The following MFNG variants were observed in gnomAD, a reference collection of about 807,000 sequenced individuals.
The protein encoded by MFNG is MFNG O-fucosylpeptide 3-beta-N-acetylglucosaminyltransferase.
Under a neutral mutation model 34.2 loss-of-function variants are expected in MFNG, and 24 were observed. The ratio of observed to expected loss-of-function variants is 0.70; its 90% CI spans 0.51 to 0.99. The LOEUF (loss-of-function observed/expected upper bound fraction) is 0.99. Ranked by LOEUF, MFNG falls within the 50% of genes least tolerant of loss-of-function variation. The pLI is 0.00. For synonymous variants in MFNG, 158 were observed against 179.2 expected (o/e 0.88, Z 0.94); for missense variants, 383 against 424.0 (o/e 0.90, Z 0.85).
chr22:37,477,164 C>T (rs1041931013), intron 4 of MFNG, among the ~76,000 whole-genome samples, 183 bp from the exon 5 acceptor site: 1 of 152,170 alleles, frequency 6.6e-6, no homozygotes, highest in African/African-American at 2.4e-5. Flanking sequence ...AACAGAGGCC[C>T]GAAGTCACAT....
rs990690235 is a variant in MFNG, at chr22:37,482,782, G to A, written c.256-2013C>T. On this transcript the variant is annotated intron_variant, in intron 1 of 7. Coordinates refer to ENST00000356998, the MANE Select transcript of MFNG (RefSeq NM_002405.4). The surrounding 1 kb of genome is among the most constrained non-coding windows in gnomAD (Gnocchi z 4.1). ...CACCTGGCTCTCCTCAGGAAGGCCTGTGCAGCATCCACCCTCTGAGCCTCT... is the reference window on the plus strand; with the variant it reads ...CACCTGGCTCTCCTCAGGAAGGCCTATGCAGCATCCACCCTCTGAGCCTCT... Among the ~76,000 whole-genome samples, 3 of 152,168 alleles carry A rather than the reference G, an allele frequency of 2.0e-5. No individual in the cohort carries two copies. The highest frequency in any genetic ancestry group is 4.8e-5 in the African/African-American group (2 of 41,436).
Position 37,469,980 on chromosome 22 carries a change from G to A in MFNG, c.949C>T (p.Gln317Ter). ...TTCAGGATTCATCGGGCACCCAGCT[G>A]GGGACACCAGGGTGTATCTGGATAG... is the stretch of plus-strand genomic sequence containing the variant. Reference protein sequence around the residue: ...LLYPDTPWCPQLGAR With the variant: ...LLYPDTPWCP Residue 317 changes from glutamine (Q) to a stop codon, truncating the protein, a stop_gained, in exon 8 of 8, where the codon CAG becomes TAG. Coordinates refer to ENST00000356998, the MANE Select transcript of MFNG (RefSeq NM_002405.4). LOFTEE classifies it high-confidence loss of function. The A allele has an allele frequency of 6.2e-7, 1 of 1,608,422 alleles. No individual in the cohort carries two copies. The highest frequency in any genetic ancestry group is 8.5e-7 in the Non-Finnish European group (1 of 1,177,166).
rs1197567998 is a variant in MFNG at position 37,485,276 on chromosome 22, C to T, written c.255+647G>A. ...CCTCAGCCGCCACCCTCGTGGCATGCGCTCTCCTTCCCTCCCTCGGAAGCA... is the reference window on the plus strand; with the variant it reads ...CCTCAGCCGCCACCCTCGTGGCATGTGCTCTCCTTCCCTCCCTCGGAAGCA... On this transcript the variant is annotated intron_variant, in intron 1 of 7. Transcript: ENST00000356998. This position sits in a 1 kb window ranked among gnomAD's most constrained non-coding sequence, Gnocchi z 5.3. Among the ~76,000 whole-genome samples the T allele has an allele frequency of 6.6e-6, 1 of 152,188 alleles. No individual in the cohort carries two copies. Among genetic ancestry groups the T allele is most frequent in the Non-Finnish European group, 1.5e-5 (1 of 68,032 alleles).
At chr22:37,477,105 A>G (rs1401686476) in intron 4 of MFNG, 124 bp from the exon 5 acceptor site, 3 of 766,956 alleles carry the variant, frequency 3.9e-6, no homozygotes, top group Non-Finnish European at 6.6e-6. Flanking sequence ...GAATCTCACT[A>G]GAGTCTTGCT....
At chr22:37,481,900 G>C (rs950930714) in intron 1 of MFNG, among the ~76,000 whole-genome samples, 8 of 152,348 alleles carry the variant, frequency 5.3e-5, no homozygotes, top group South Asian at 4.1e-4. Flanking sequence ...CTCCTTTCCA[G>C]GAATTAGCCC....
intron 7 of MFNG, among the ~76,000 whole-genome samples, chr22:37,472,113 G>C (rs931368527): frequency 2.0e-5 from 3 of 152,160 alleles, no homozygotes; most frequent in Non-Finnish European, 2.9e-5. Context: ...TGAGAGCGTT[G>C]CCTGTGCTCA....
intron 1 of MFNG, among the ~76,000 whole-genome samples, chr22:37,484,971 ATG>A (rs71764174): frequency 0.074 from 10,880 of 147,488 alleles, 565 homozygotes; most frequent in East Asian, 0.25. Context: ...GAGGGGACCG[ATG>A]TGTGTGTGTG....
intron 4 of MFNG, among the ~76,000 whole-genome samples, chr22:37,478,574 T>C (rs1922141528): frequency 6.6e-6 from 1 of 151,644 alleles, no homozygotes; most frequent in Non-Finnish European, 1.5e-5. Flanking sequence ...CACAGGCTAG[T>C]GGAGGTGTCT....
Position 37,479,407 on chromosome 22 carries a change from C to A in MFNG, c.499G>T (p.Val167Leu). 6.2e-7 allele frequency: 1 copy of A among 1,609,564 alleles called. No individual in the cohort carries two copies. The highest frequency in any genetic ancestry group is 8.5e-7 in the Non-Finnish European group (1 of 1,177,962). ...RAFPLARDVY[V>L]GRPSLNRPIH... is the part of the protein sequence containing the mutation. ...GGCCGGTTCAGGCTGGGCCTTCCCA[C>A]ATAGACGTCGCGGGCCAGCGGGAAG... Residue 167 changes from valine (V) to leucine (L), a missense_variant, in exon 4 of 8, where the codon GTG (valine) becomes TTG (leucine). By Grantham distance (32) the Val-to-Leu change is conservative. Coordinates refer to ENST00000356998, the MANE Select transcript of MFNG (RefSeq NM_002405.4).
In MFNG at chr22:37,471,470, C is replaced by T. The variant is rs1399931285; in HGVS notation, c.899+973G>A. On this transcript the variant is annotated intron_variant, in intron 7 of 7. Coordinates refer to ENST00000356998, the MANE Select transcript of MFNG (RefSeq NM_002405.4). The stretch of plus-strand genomic sequence containing the variant: ...AGTTCTGGGGTTGGACTGATGGGCC[C>T]AGAGTCCATGTGTCCCCTCCCCCAA... 2.6e-5 allele frequency among the ~76,000 whole-genome samples: 4 copies of T among 152,108 alleles called. No individual in the cohort carries two copies. In the South Asian group the frequency reaches 8.3e-4, roughly 32 times the overall value.
At chr22:37,484,719 A>T (rs868089109) in intron 1 of MFNG, 1 of 152,356 alleles carries the variant, frequency 6.6e-6, no homozygotes, top group Admixed American at 6.5e-5. Context: ...CTGCTTCCGC[A>T]GGAAGAACCA....
chr22:37,473,224 G>C (rs1921888248), intron 6 of MFNG, among the ~76,000 whole-genome samples: 1 of 152,092 alleles, frequency 6.6e-6, no homozygotes, highest in Non-Finnish European at 1.5e-5. Flanking sequence ...GATTACTTGA[G>C]GTCAGGAGTT....
intron 2 of MFNG, 124 bp downstream of exon 2, chr22:37,480,597 G>T: frequency 1.1e-6 from 1 of 927,362 alleles, no homozygotes; most frequent in South Asian, 1.5e-5. Context: ...GGGCAAAGGG[G>T]AATCTCCACA....
intron 5 of MFNG, among the ~76,000 whole-genome samples, chr22:37,476,529 G>A (rs966472735): frequency 2.6e-5 from 4 of 152,080 alleles, no homozygotes; most frequent in East Asian, 3.9e-4. Flanking sequence ...CCTCCCCTAC[G>A]GCATTGACCA....
At chr22:37,470,522 C>T (rs1379435999) in intron 7 of MFNG, among the ~76,000 whole-genome samples, 2 of 152,250 alleles carry the variant, frequency 1.3e-5, no homozygotes, top group African/African-American at 2.4e-5. Context: ...AGTATAGCTA[C>T]GGCTTACACA....
chr22:37,486,078 G>A lies in MFNG; in HGVS notation c.100C>T (p.Arg34Trp), dbSNP rs770496729. 1.6e-5 allele frequency: 26 copies of A among 1,613,478 alleles called. No homozygotes were observed. In the East Asian group the frequency reaches 4.2e-4, roughly 26 times the overall value. ...CTCAGCTCGGGGGTCCCTTGTACCC[G>A]CTGCGGGGACAGGTTCAAGTGGTAC... Reference protein sequence around the residue: ...LRYHLNLSPQRVQGTPELSQP... With the variant: ...LRYHLNLSPQWVQGTPELSQP... Residue 34 changes from arginine to tryptophan, a missense_variant, in exon 1 of 8, where the codon CGG (arginine) becomes TGG (tryptophan). By Grantham distance (101) the Arg-to-Trp change is moderately radical. Coordinates refer to ENST00000356998, the MANE Select transcript of MFNG (RefSeq NM_002405.4).
At chr22:37,475,454 C>T (rs1480116570) in intron 5 of MFNG, among the ~76,000 whole-genome samples, 4 of 152,164 alleles carry the variant, frequency 2.6e-5, no homozygotes, top group Non-Finnish European at 5.9e-5. Flanking sequence ...GAACTCCTAA[C>T]CTCAAGTGAG....
chr22:37,481,029 C>T (rs1922269441), intron 1 of MFNG: 1 of 512,578 alleles, frequency 2.0e-6, no homozygotes, highest in Non-Finnish European at 3.5e-6. Flanking sequence ...ACCACAGGGA[C>T]CCAACCACAG....
chr22:37,470,310 C>T (rs1921750830), intron 7 of MFNG, among the ~76,000 whole-genome samples: 2 of 152,130 alleles, frequency 1.3e-5, no homozygotes, highest in South Asian at 4.1e-4. Context: ...CCCTAAGAGA[C>T]AAATCACCCC....
Sources: allele counts gnomAD v4.1 joint callset (sites outside exome capture counted in the v4.1 genomes callset), GRCh38; gene constraint gnomAD v4.1.1; non-coding constraint Gnocchi (gnomAD v3.1); transcripts MANE v1.5; gene names NCBI Gene and HGNC (gene_info 2026-07-23, HGNC 2026-07-21).